The following CCDC88C variants were observed in gnomAD, a reference collection of about 807,000 sequenced individuals.
CCDC88C encodes the protein coiled-coil and HOOK domain protein 88C, also known as protein Daple.
A neutral mutation model predicts 198.8 loss-of-function variants in CCDC88C; 131 were observed. That is an observed-to-expected ratio of 0.66 (90% CI 0.57 to 0.76). CCDC88C has a LOEUF of 0.76. Ranked by LOEUF, CCDC88C falls within the 30% of genes least tolerant of loss-of-function variation. The pLI is 0.00. For missense variants in CCDC88C, 2,553 were observed against 2,631.6 expected (o/e 0.97, Z 0.65); for synonymous variants, 1,166 against 1,114.7 (o/e 1.05, Z -0.92).
chr14:91,347,503 C>A (rs1243529668), intron 4 of CCDC88C, among the ~76,000 whole-genome samples: 3 of 152,078 alleles, frequency 2.0e-5, no homozygotes, highest in Non-Finnish European at 4.4e-5. Context: ...AACAAACAAC[C>A]CCATCAAAAA....
intron 22 of CCDC88C, among the ~76,000 whole-genome samples, chr14:91,295,092 G>C (rs1262481585): frequency 6.6e-6 from 1 of 152,196 alleles, no homozygotes; most frequent in Non-Finnish European, 1.5e-5. Context: ...TAACATAGAG[G>C]AGAACACAGC....
At chr14:91,314,181 G>C (rs1278921015) in intron 14 of CCDC88C, 31 bp from the exon 15 acceptor site, 2 of 1,547,716 alleles carry the variant, frequency 1.3e-6, no homozygotes, top group African/African-American at 2.7e-5. Context: ...CACAACCCAG[G>C]CTGCTGCAGG....
chr14:91,310,110 AG>A, intron 15 of CCDC88C, 124 bp from the exon 16 acceptor site: 1 of 971,010 alleles, frequency 1.0e-6, no homozygotes, highest in Non-Finnish European at 1.4e-6. Context: ...GTGTGGAGCG[AG>A]GGGACTCTGA....
At position 91,307,101 on chromosome 14, in the gene CCDC88C, GC is replaced by G; in HGVS notation, c.3131del (p.Gly1044AlafsTer12). On this transcript the variant is annotated frameshift_variant, in exon 18 of 30. Coordinates refer to ENST00000389857, the MANE Select transcript of CCDC88C (RefSeq NM_001080414.4). LOFTEE classifies it high-confidence loss of function. ...GAAGCTCCATGGTGGCTTCCTTATG[GC>G]CGGGCCCCCAGGCCTCCTTCCCCTG... is the stretch of plus-strand genomic sequence containing the variant. ...SHQGKEAWGP[G>X]HKEATMELLR... 1.2e-6 allele frequency: 2 copies of G among 1,613,884 alleles called. No individual in the cohort carries two copies. Among genetic ancestry groups the G allele is most frequent in the Non-Finnish European group, 1.7e-6 (2 of 1,179,842 alleles).
chr14:91,357,918 C>T (rs767898374), intron 4 of CCDC88C, among the ~76,000 whole-genome samples: 7 of 152,230 alleles, frequency 4.6e-5, no homozygotes, highest in South Asian at 2.1e-4. Context: ...GCTACTAACA[C>T]GGGAAGTGGG....
intron 10 of CCDC88C, among the ~76,000 whole-genome samples, chr14:91,330,558 C>T (rs536336448): frequency 6.6e-6 from 1 of 152,168 alleles, no homozygotes; most frequent in African/African-American, 2.4e-5. Flanking sequence ...ACACCCGCCT[C>T]CGGACAAGGA....
At chr14:91,356,801 T>C (rs1239592306) in intron 4 of CCDC88C, among the ~76,000 whole-genome samples, 2 of 151,962 alleles carry the variant, frequency 1.3e-5, no homozygotes, top group Non-Finnish European at 2.9e-5. Context: ...TCTGTGGTGT[T>C]GGGAGGTGCC....
At chr14:91,317,719 C>T (rs1335262721) in intron 13 of CCDC88C, among the ~76,000 whole-genome samples, 1 of 152,224 alleles carries the variant, frequency 6.6e-6, no homozygotes, top group African/African-American at 2.4e-5. Context: ...CCTTCCGGCG[C>T]CCCCACGACC....
intron 3 of CCDC88C, chr14:91,408,370 G>A: frequency 6.0e-6 from 2 of 335,534 alleles, no homozygotes; most frequent in Non-Finnish European, 1.1e-5. Context: ...CCACTCAACT[G>A]CATTCTCGGG....
At chr14:91,297,627 CTTTTT>C in intron 21 of CCDC88C, 136 bp from the exon 22 acceptor site, 2 of 635,300 alleles carry the variant, frequency 3.1e-6, no homozygotes, top group Non-Finnish European at 5.1e-6. Context: ...CCTCTCTGGG[CTTTTT>C]TTTTTTTCCA....
chr14:91,330,781 C>T (rs1430157520), intron 10 of CCDC88C, among the ~76,000 whole-genome samples: 4 of 151,888 alleles, frequency 2.6e-5, no homozygotes, highest in Non-Finnish European at 4.4e-5. Flanking sequence ...CTGGATAACC[C>T]GGGTACACTG....
At position 91,288,571 on chromosome 14, in the gene CCDC88C, T is replaced by C. The variant is rs1017015441; in HGVS notation, c.4441+534A>G. 1.3e-5 allele frequency among the ~76,000 whole-genome samples: 2 copies of C among 152,226 alleles called. No homozygotes were observed. The highest frequency in any genetic ancestry group is 2.9e-5 in the Non-Finnish European group (2 of 68,038). On this transcript the variant is annotated intron_variant, in intron 25 of 29. Transcript: ENST00000389857. The surrounding 1 kb of genome is among the most constrained non-coding windows in gnomAD (Gnocchi z 4.2). ...AATGTCAGCTTTGGATATTGAGATA[T>C]CTGCCCGGCTACATGATGAATGATA...
intron 3 of CCDC88C, among the ~76,000 whole-genome samples, chr14:91,382,501 G>C (rs10131741): frequency 0.71 from 107,472 of 152,122 alleles, 38,456 homozygotes; most frequent in Non-Finnish European, 0.76. Flanking sequence ...AGGTCCCTAA[G>C]AAAGCTGTTC....
At chr14:91,413,160 G>A (rs892754259) in intron 2 of CCDC88C, among the ~76,000 whole-genome samples, 3 of 152,236 alleles carry the variant, frequency 2.0e-5, no homozygotes, top group Non-Finnish European at 4.4e-5. Context: ...GCGTCAAACC[G>A]GATGGTTTAC....
At chr14:91,331,554 A>C (rs1025517749) in intron 10 of CCDC88C, among the ~76,000 whole-genome samples, 2 of 81,820 alleles carry the variant, frequency 2.4e-5, no homozygotes, top group African/African-American at 7.0e-5. Flanking sequence ...GAGAGAGGAG[A>C]GAGAAAGACA....
rs945230575 is a variant in CCDC88C, at chr14:91,325,712, G to A, written c.1197+198C>T. On this transcript the variant is annotated intron_variant, in intron 11 of 29. Coordinates refer to ENST00000389857, the MANE Select transcript of CCDC88C (RefSeq NM_001080414.4). The surrounding 1 kb of genome is among the most constrained non-coding windows in gnomAD (Gnocchi z 4.1). Reference sequence around the variant, plus strand: ...CTGCCTCAGTCTCTCCCAAGTAGATGGAACTACAGGCTCACACCACCATGC... The same window carrying A: ...CTGCCTCAGTCTCTCCCAAGTAGATAGAACTACAGGCTCACACCACCATGC... 6.6e-6 allele frequency among the ~76,000 whole-genome samples: 1 copy of A among 152,090 alleles called. No individual in the cohort carries two copies. Among genetic ancestry groups the A allele is most frequent in the Non-Finnish European group, 1.5e-5 (1 of 68,014 alleles).
At chr14:91,342,539 GAC>G (rs1452225109) in intron 5 of CCDC88C, 76 bp from the exon 6 acceptor site, 6 of 966,062 alleles carry the variant, frequency 6.2e-6, no homozygotes, top group Non-Finnish European at 8.2e-6. Context: ...GCCACAGAAT[GAC>G]AGTTTCAAAA....
rs141826100 is a variant in CCDC88C, at chr14:91,284,412, G to A, written c.4442-895C>T. ...TGATTTGAAATCAAGGGGAAATTTGGATTTTGAAAGATAACCTTGATGAGA... is the reference window on the plus strand; with the variant it reads ...TGATTTGAAATCAAGGGGAAATTTGAATTTTGAAAGATAACCTTGATGAGA... On this transcript the variant is annotated intron_variant, in intron 25 of 29. Transcript: ENST00000389857. This position sits in a 1 kb window ranked among gnomAD's most constrained non-coding sequence, Gnocchi z 4.1. Among the ~76,000 whole-genome samples, 3 of 152,166 alleles carry A rather than the reference G, an allele frequency of 2.0e-5. No individual in the cohort carries two copies. Among genetic ancestry groups the A allele is most frequent in the Admixed American group, 2.0e-4 (3 of 15,284 alleles).
intron 25 of CCDC88C, chr14:91,285,427 C>T (rs1175900222): frequency 2.4e-6 from 1 of 425,332 alleles, no homozygotes; most frequent in Non-Finnish European, 4.6e-6. Flanking sequence ...AGGACATGTG[C>T]ACGTATATCC....
Sources: allele counts gnomAD v4.1 joint callset (sites outside exome capture counted in the v4.1 genomes callset), GRCh38; gene constraint gnomAD v4.1.1; non-coding constraint Gnocchi (gnomAD v3.1); transcripts MANE v1.5; gene names NCBI Gene and HGNC (gene_info 2026-07-23, HGNC 2026-07-21).